CETP: variants seen among roughly 807,000 people sequenced by gnomAD.
CETP encodes cholesteryl ester transfer protein.
In CETP, 56 loss-of-function variants were observed where a neutral mutation model predicts 66.5. The ratio of observed to expected loss-of-function variants is 0.84; its 90% confidence interval spans 0.68 to 1.05. The LOEUF is 1.05. CETP is among the 50% of genes least tolerant of loss of function. The pLI is 0.00. For synonymous variants in CETP, 251 were observed against 245.7 expected (o/e 1.02, Z -0.20); for missense variants, 612 against 609.6 (o/e 1.00, Z -0.04).
In CETP at chr16:56,978,239, C is replaced by T. The variant is rs1183853455; in HGVS notation, c.1130C>T (p.Ala377Val). Residue 377 changes from alanine (A) to valine (V), a missense_variant, in exon 11 of 16, where the codon GCT becomes GTT. Coordinates refer to ENST00000200676, the MANE Select transcript of CETP (RefSeq NM_000078.3). The part of the protein sequence containing the change: ...FPRPDQQHSV[A>V]YTFEEDIVTT... ...CGCCCAGACCAGCAACATTCTGTAG[C>T]TTACACATTTGAAGAGGTGAGGCGG... 1 of 1,614,058 alleles carries T rather than the reference C, an allele frequency of 6.2e-7. No individual in the cohort carries two copies.
intron 2 of CETP, among the ~76,000 whole-genome samples, chr16:56,963,824 A>G (rs1410563423): frequency 6.6e-6 from 1 of 151,562 alleles, no homozygotes. Flanking sequence ...ACACGTCACC[A>G]CATCCGCGTA....
intron 2 of CETP, among the ~76,000 whole-genome samples, chr16:56,964,000 T>TTATA (rs1467455160): frequency 1.2e-5 from 1 of 85,618 alleles, no homozygotes; most frequent in Non-Finnish European, 2.3e-5. Flanking sequence ...TTTTATTTAT[T>TTATA]TATTTATTTA....
chr16:56,980,475 T>G (rs2056179828), intron 11 of CETP, among the ~76,000 whole-genome samples: 1 of 152,238 alleles, frequency 6.6e-6, no homozygotes, highest in Non-Finnish European at 1.5e-5. Flanking sequence ...CCCAGTTTAT[T>G]TAGCCTTTTA....
intron 10 of CETP, among the ~76,000 whole-genome samples, chr16:56,977,375 G>T: frequency 6.6e-6 from 1 of 152,202 alleles, no homozygotes; most frequent in Middle Eastern, 3.4e-3. Flanking sequence ...GGCTGCCTGC[G>T]CATTCCTTAT....
intron 11 of CETP, 113 bp downstream of exon 11, chr16:56,978,368 C>G (rs572033689): frequency 7.9e-7 from 1 of 1,273,696 alleles, no homozygotes; most frequent in African/African-American, 1.5e-5. Flanking sequence ...ACCACCTCTG[C>G]TGGCACTGGT....
At chr16:56,975,329 T>G (rs537161261) in intron 10 of CETP, among the ~76,000 whole-genome samples, 178 bp downstream of exon 10, 1 of 152,344 alleles carries the variant, frequency 6.6e-6, no homozygotes, top group East Asian at 1.9e-4. Context: ...CTTCCTTCAG[T>G]GCTCACACCG....
rs2056130691 is a variant in CETP, at chr16:56,973,794, C to T, written c.930+284C>T. Among the ~76,000 whole-genome samples the T allele has an allele frequency of 2.0e-5, 3 of 152,208 alleles. No homozygotes were observed. The South Asian group carries it at 6.2e-4, about 32-fold the overall frequency. ...TCAGCCGGGAGCATGGGTAAGACTC[C>T]TGTCTCAAGAGCGGAGCTCTCCGAG... On this transcript the variant is annotated intron_variant, in intron 9 of 15. Coordinates refer to ENST00000200676, the MANE Select transcript of CETP (RefSeq NM_000078.3).
chr16:56,977,965 C>T (rs1268845029), intron 10 of CETP, 126 bp from the exon 11 acceptor site: 24 of 1,120,008 alleles, frequency 2.1e-5, no homozygotes, highest in Non-Finnish European at 2.7e-5. Context: ...GGCACTACCC[C>T]GAGCTACTTC....
At chr16:56,970,956 G>T in intron 5 of CETP, 77 bp from the exon 6 acceptor site, 1 of 1,333,382 alleles carries the variant, frequency 7.5e-7, no homozygotes, top group Non-Finnish European at 1.1e-6. Context: ...AGCCATGAAC[G>T]GTGCCTGGTA....
chr16:56,970,169 C>T (rs1426808261), intron 5 of CETP, among the ~76,000 whole-genome samples, 168 bp downstream of exon 5: 1 of 152,176 alleles, frequency 6.6e-6, no homozygotes, highest in East Asian at 1.9e-4. Flanking sequence ...ATCAATACAC[C>T]CTCAAAGGCT....
intron 9 of CETP, among the ~76,000 whole-genome samples, chr16:56,973,907 G>A (rs2056131691): frequency 6.6e-6 from 1 of 152,210 alleles, no homozygotes; most frequent in Admixed American, 6.5e-5. Context: ...TAGCAGGTAC[G>A]TGACTGGGGG....
Position 56,961,955 on chromosome 16 carries a change from A to T in CETP, c.-25A>T. 6.3e-7 allele frequency: 1 copy of T among 1,592,564 alleles called. No homozygotes were observed. The highest frequency in any genetic ancestry group is 8.6e-7 in the Non-Finnish European group (1 of 1,160,726). Reference sequence around the variant, plus strand: ...GGCTCCAGGCTGAACGGCTCGGGCCACTTACACACCACTGCCTGATAACCA... The same window carrying T: ...GGCTCCAGGCTGAACGGCTCGGGCCTCTTACACACCACTGCCTGATAACCA... On this transcript the variant is annotated 5_prime_UTR_variant, in exon 1 of 16. Transcript: ENST00000200676.
Position 56,969,496 on chromosome 16 carries a change from A to C in CETP, c.344A>C (p.Lys115Thr). 6.2e-7 allele frequency: 1 copy of C among 1,614,206 alleles called. No individual in the cohort carries two copies. Among genetic ancestry groups the C allele is most frequent in the East Asian group, 2.2e-5 (1 of 44,880 alleles). Residue 115 changes from lysine (K) to threonine (T), a missense_variant, in exon 3 of 16, where the codon AAG becomes ACG. By Grantham distance (78) the Lys-to-Thr change is moderately conservative. Transcript: ENST00000200676. ...TCTGTGGTCTTCAAGGGGACCCTGA[A>C]GTATGGCTACACCACTGCCTGGTGG... ...NVSVVFKGTL[K>T]YGYTTAWWLG...
Position 56,970,969 on chromosome 16 carries a change from C to G in CETP, c.528-64C>G, listed in dbSNP as rs149004351. On this transcript the variant is annotated intron_variant, in intron 5 of 15. Coordinates refer to ENST00000200676, the MANE Select transcript of CETP (RefSeq NM_000078.3). Reference sequence around the variant, plus strand: ...AGAGCCATGAACGGTGCCTGGTACACACTAGGCGCTCCATGGATGCACAGG... The same window carrying G: ...AGAGCCATGAACGGTGCCTGGTACAGACTAGGCGCTCCATGGATGCACAGG... The G allele has an allele frequency of 1.8e-4, 261 of 1,465,340 alleles. No homozygotes were observed. In the Middle Eastern group the frequency reaches 1.9e-3, roughly 11 times the overall value. The allele number at this position is 1,465,340 out of a possible 1,614,324, so 90.8% of individuals were successfully genotyped here.
chr16:56,983,296 G>A (rs1171196290), intron 14 of CETP, 30 bp from the exon 15 acceptor site: 22 of 1,607,170 alleles, frequency 1.4e-5, no homozygotes, highest in South Asian at 2.2e-5. Context: ...CCCCAAGAAG[G>A]GCTGACTGGG....
At chr16:56,971,213 C>CCAGT in intron 6 of CETP, 108 bp from the exon 7 acceptor site, 1 of 1,503,736 alleles carries the variant, frequency 6.7e-7, no homozygotes, top group South Asian at 1.1e-5. Flanking sequence ...CTCCATGTGG[C>CCAGT]CAGTCCCCTG....
intron 11 of CETP, among the ~76,000 whole-genome samples, chr16:56,980,056 C>T (rs2056177049): frequency 6.6e-6 from 1 of 152,186 alleles, no homozygotes; most frequent in African/African-American, 2.4e-5. Flanking sequence ...CCACCCACTT[C>T]CCGCTTTGTC....
At chr16:56,983,460 C>T in intron 15 of CETP, 49 bp downstream of exon 15, 3 of 1,603,016 alleles carry the variant, frequency 1.9e-6, no homozygotes, top group Non-Finnish European at 2.6e-6. Context: ...GGAGAGAGGC[C>T]CAGACAGGAT....
At chr16:56,974,981 G>T in intron 9 of CETP, 120 bp from the exon 10 acceptor site, 1 of 829,394 alleles carries the variant, frequency 1.2e-6, no homozygotes, top group South Asian at 1.4e-5. Flanking sequence ...TGTCTGGGAG[G>T]TTGGGAGTTG....
Sources: allele counts gnomAD v4.1 joint callset (sites outside exome capture counted in the v4.1 genomes callset), GRCh38; gene constraint gnomAD v4.1.1; transcripts MANE v1.5; gene names NCBI Gene and HGNC (gene_info 2026-07-23, HGNC 2026-07-21).